Variants in GPC6 observed in about 807,000 individuals in gnomAD.
GPC6 encodes the protein glypican 6, also known as glypican-6.
A neutral mutation model predicts 55.2 loss-of-function variants in GPC6; 14 were observed. The ratio of observed to expected loss-of-function variants is 0.25; its 90% CI spans 0.17 to 0.40. The LOEUF is 0.40. GPC6 is among the 10% of genes least tolerant of loss of function. The probability of loss-of-function intolerance (pLI) is 1.00; values close to 1 mark genes in which losing one functional copy is unlikely to be tolerated. For synonymous variants in GPC6, 278 were observed against 259.6 expected (o/e 1.07, Z -0.68); for missense variants, 641 against 708.5 (o/e 0.90, Z 1.08).
intron 1 of GPC6, among the ~76,000 whole-genome samples, chr13:93,407,932 T>A (rs1224689745): frequency 6.6e-6 from 1 of 152,180 alleles, no homozygotes; most frequent in Admixed American, 6.6e-5. Context: ...CATGGAGGAT[T>A]GTTGTGTTGA....
rs550197193 is a variant in GPC6, at chr13:93,728,303, A to G, written c.320-101851A>G. On this transcript the variant is annotated intron_variant, in intron 2 of 8. Coordinates refer to ENST00000377047, the MANE Select transcript of GPC6 (RefSeq NM_005708.5). ...CCAATCATGGCTCATTGCAGCCTCA[A>G]TTTCCCGGGATCAAGTAATTCTCTG... is the stretch of plus-strand genomic sequence containing the variant. Among the ~76,000 whole-genome samples, 204 of 151,940 alleles carry G rather than the reference A, an allele frequency of 1.3e-3. 4 individuals carry two copies. The highest frequency in any genetic ancestry group is 2.7e-3 in the Admixed American group (41 of 15,226).
chr13:94,210,283 A>G (rs949180195), intron 4 of GPC6, among the ~76,000 whole-genome samples: 4 of 151,764 alleles, frequency 2.6e-5, no homozygotes, highest in Non-Finnish European at 5.9e-5. Flanking sequence ...CAGCCTCCCA[A>G]GTAGCTGGGA....
chr13:93,804,835 C>T (rs369559738), intron 2 of GPC6, among the ~76,000 whole-genome samples: 7 of 152,120 alleles, frequency 4.6e-5, no homozygotes, highest in South Asian at 4.1e-4. Context: ...AGCTGCATGA[C>T]GTTGGCACAT....
At chr13:93,580,321 A>G (rs1280903244) in intron 2 of GPC6, among the ~76,000 whole-genome samples, 1 of 152,194 alleles carries the variant, frequency 6.6e-6, no homozygotes, top group African/African-American at 2.4e-5. Context: ...CATGACATTG[A>G]AGGTTAGGAT....
At chr13:93,898,700 C>T (rs1475320946) in intron 3 of GPC6, among the ~76,000 whole-genome samples, 1 of 151,768 alleles carries the variant, frequency 6.6e-6, no homozygotes. Flanking sequence ...ACATTTTCCT[C>T]AGCTAAAAAC....
intron 4 of GPC6, among the ~76,000 whole-genome samples, chr13:94,179,751 C>T (rs936004739): frequency 6.6e-6 from 1 of 152,164 alleles, no homozygotes; most frequent in Non-Finnish European, 1.5e-5. Flanking sequence ...GATTACAACT[C>T]TTTCCTGGGA....
At chr13:93,594,155 T>G (rs1261718827) in intron 2 of GPC6, among the ~76,000 whole-genome samples, 3 of 152,036 alleles carry the variant, frequency 2.0e-5, no homozygotes, top group African/African-American at 7.2e-5. Flanking sequence ...TTATTTTATT[T>G]TTTTTTTTAC....
chr13:94,363,101 T>G (rs116447390), intron 6 of GPC6, among the ~76,000 whole-genome samples: 297 of 152,256 alleles, frequency 2.0e-3, no homozygotes, highest in African/African-American at 6.4e-3. Context: ...CCATGTGTTC[T>G]CGTTAGATTC....
chr13:93,835,819 A>G (rs189399164), intron 3 of GPC6, among the ~76,000 whole-genome samples: 44 of 152,266 alleles, frequency 2.9e-4, no homozygotes, highest in African/African-American at 1.0e-3. Flanking sequence ...AACGCTGTAA[A>G]TTGTGTCAAG....
At chr13:94,161,462 G>A (rs962869829) in intron 4 of GPC6, among the ~76,000 whole-genome samples, 1 of 152,124 alleles carries the variant, frequency 6.6e-6, no homozygotes, top group African/African-American at 2.4e-5. Context: ...ATGTGCTGTG[G>A]CCATTTACAT....
At chr13:94,345,894 C>T (rs532685941) in intron 6 of GPC6, among the ~76,000 whole-genome samples, 1 of 152,172 alleles carries the variant, frequency 6.6e-6, no homozygotes, top group African/African-American at 2.4e-5. Context: ...GCAGCAGAAG[C>T]ATGCGCCCCC....
In GPC6 at chr13:93,227,399, G is replaced by C. The variant is rs1875828640; in HGVS notation, c.-58G>C. 2 of 1,575,486 alleles carry C rather than the reference G, an allele frequency of 1.3e-6. No homozygotes were observed. Among genetic ancestry groups the C allele is most frequent in the Non-Finnish European group, 1.7e-6 (2 of 1,149,230 alleles). ...CTCTGGCGGGCTTTCGGCTTGAGGGGCAAGGTGAAGAGCGCACCGGCCGTG... is the reference window on the plus strand; with the variant it reads ...CTCTGGCGGGCTTTCGGCTTGAGGGCCAAGGTGAAGAGCGCACCGGCCGTG... On this transcript the variant is annotated 5_prime_UTR_variant, in exon 1 of 9. Coordinates refer to ENST00000377047, the MANE Select transcript of GPC6 (RefSeq NM_005708.5). The surrounding 1 kb of genome is among the most constrained non-coding windows in gnomAD (Gnocchi z 4.3).
intron 2 of GPC6, among the ~76,000 whole-genome samples, chr13:93,685,988 C>T (rs1205786670): frequency 6.6e-6 from 1 of 152,096 alleles, no homozygotes; most frequent in East Asian, 1.9e-4. Flanking sequence ...AATCTCTTCT[C>T]TGTTATATCA....
At chr13:93,677,862 A>G (rs989998496) in intron 2 of GPC6, among the ~76,000 whole-genome samples, 1 of 152,164 alleles carries the variant, frequency 6.6e-6, no homozygotes, top group African/African-American at 2.4e-5. Flanking sequence ...GGCCCATGGG[A>G]TAAAATGGAT....
Position 93,681,562 on chromosome 13 carries a change from C to A in GPC6, c.319+136141C>A, listed in dbSNP as rs143654644. ...ATAAAACTTAATTACATTATGCCTG[C>A]CACTGGGTGGACTAAATTCATATTT... On this transcript the variant is annotated intron_variant, in intron 2 of 8. Transcript: ENST00000377047. Among the ~76,000 whole-genome samples the A allele has an allele frequency of 3.3e-5, 5 of 152,176 alleles. No individual in the cohort carries two copies. In the East Asian group the frequency reaches 9.7e-4, roughly 29 times the overall value.
At chr13:94,065,902 C>T (rs975985604) in intron 4 of GPC6, among the ~76,000 whole-genome samples, 6 of 152,324 alleles carry the variant, frequency 3.9e-5, no homozygotes, top group Admixed American at 3.9e-4. Flanking sequence ...GTCTTCCAGA[C>T]AGCCTGAATT....
At chr13:93,631,337 C>T (rs1879420853) in intron 2 of GPC6, among the ~76,000 whole-genome samples, 1 of 152,116 alleles carries the variant, frequency 6.6e-6, no homozygotes, top group Non-Finnish European at 1.5e-5. Flanking sequence ...CAGTGCAGGT[C>T]GGTTGGAGTT....
intron 1 of GPC6, among the ~76,000 whole-genome samples, chr13:93,409,904 T>A (rs1246094637): frequency 1.3e-5 from 2 of 152,186 alleles, no homozygotes; most frequent in Non-Finnish European, 2.9e-5. Flanking sequence ...TAAGAGTCAT[T>A]TGTTCATTTC....
intron 3 of GPC6, among the ~76,000 whole-genome samples, chr13:93,869,897 A>T (rs1167591887): frequency 6.6e-6 from 1 of 151,890 alleles, no homozygotes; most frequent in Non-Finnish European, 1.5e-5. Context: ...AGCTGGTTTT[A>T]AAAGAATGTT....
Sources: allele counts gnomAD v4.1 joint callset (sites outside exome capture counted in the v4.1 genomes callset), GRCh38; gene constraint gnomAD v4.1.1; non-coding constraint Gnocchi (gnomAD v3.1); transcripts MANE v1.5; gene names NCBI Gene and HGNC (gene_info 2026-07-23, HGNC 2026-07-21).